The following PXDNL variants were observed in gnomAD, a reference collection of about 807,000 sequenced individuals.
PXDNL encodes peroxidasin like, also known as probable oxidoreductase PXDNL.
PXDNL carries 145 observed loss-of-function variants against 150.8 expected under a neutral mutation model. That is an observed-to-expected ratio of 0.96 (90% CI 0.84 to 1.10). The LOEUF (loss-of-function observed/expected upper bound fraction) is 1.10. PXDNL is among the 50% of genes least tolerant of loss of function. The pLI, the probability that PXDNL is intolerant of heterozygous loss-of-function variation, is 0.00. For synonymous variants in PXDNL, 757 were observed against 725.7 expected, an observed-to-expected ratio of 1.04 and a Z score of -0.69; for missense variants, 2,087 against 1,873.9, an observed-to-expected ratio of 1.11 and a Z score of -2.10.
At chr8:51,343,144 G>A (rs1020251196) in intron 20 of PXDNL, among the ~76,000 whole-genome samples, 1 of 152,074 alleles carries the variant, frequency 6.6e-6, no homozygotes, top group African/African-American at 2.4e-5. Context: ...AAGACTCTTG[G>A]ATACTGTATT....
intron 4 of PXDNL, among the ~76,000 whole-genome samples, chr8:51,521,044 G>A (rs1811652656): frequency 6.6e-6 from 1 of 152,054 alleles, no homozygotes; most frequent in Non-Finnish European, 1.5e-5. Flanking sequence ...ACCAGCCCGG[G>A]CAACAGAGCA....
At chr8:51,615,306 T>A (rs1814108043) in intron 2 of PXDNL, among the ~76,000 whole-genome samples, 1 of 152,180 alleles carries the variant, frequency 6.6e-6, no homozygotes, top group African/African-American at 2.4e-5. Flanking sequence ...TGACTTGTTT[T>A]TTTTTTCATC....
intron 4 of PXDNL, among the ~76,000 whole-genome samples, chr8:51,508,864 C>T (rs1210107985): frequency 6.6e-6 from 1 of 152,228 alleles, no homozygotes; most frequent in Non-Finnish European, 1.5e-5. Context: ...CAGCTGAGGA[C>T]CACACTTCCT....
Position 51,408,198 on chromosome 8 carries a change from A to G in PXDNL, c.3426T>C (p.Ile1142=), listed in dbSNP as rs1394127228. Reference sequence around the variant, plus strand: ...GGATCCCGTGGTCTCTACCCCTTTGAATGATGGTGGCAGCCGAATCCACGG... The same window carrying G: ...GGATCCCGTGGTCTCTACCCCTTTGGATGATGGTGGCAGCCGAATCCACGG... The part of the protein sequence containing the change: ...SAAVDSAATI[I]QRGRDHGIPP... The change falls in exon 17 of 23, where the codon ATT becomes ATC. Residue 1142 remains isoleucine, a synonymous_variant. Coordinates refer to ENST00000356297, the MANE Select transcript of PXDNL (RefSeq NM_144651.5). 1.2e-6 allele frequency: 2 copies of G among 1,614,014 alleles called. No individual in the cohort carries two copies. Among genetic ancestry groups the G allele is most frequent in the Non-Finnish European group, 1.7e-6 (2 of 1,179,902 alleles).
intron 1 of PXDNL, among the ~76,000 whole-genome samples, chr8:51,699,276 C>T (rs1277423772): frequency 6.6e-6 from 1 of 152,182 alleles, no homozygotes; most frequent in East Asian, 1.9e-4. Context: ...GCTGGATCTT[C>T]TGGATAACTC....
intron 4 of PXDNL, among the ~76,000 whole-genome samples, chr8:51,539,809 C>T (rs527665388): frequency 6.6e-6 from 1 of 151,962 alleles, no homozygotes; most frequent in African/African-American, 2.4e-5. Context: ...GAGATGCCTC[C>T]CTTCTTGATA....
Position 51,319,748 on chromosome 8 carries a change from G to T in PXDNL, c.*143C>A. ...AAAATGAAAAAATAAAAGATCGTAA[G>T]TATATGTAAGATTAGATGAACTAAG... On this transcript the variant is annotated 3_prime_UTR_variant, in exon 23 of 23. Transcript: ENST00000356297. The T allele has an allele frequency of 3.5e-6, 2 of 565,726 alleles. No homozygotes were observed. Among genetic ancestry groups the T allele is most frequent in the East Asian group, 3.4e-5 (1 of 29,268 alleles). 35.0% of individuals were successfully genotyped at this position (565,726 alleles called of 1,614,324 possible).
chr8:51,678,235 T>A (rs1815667907), intron 1 of PXDNL, among the ~76,000 whole-genome samples: 1 of 152,174 alleles, frequency 6.6e-6, no homozygotes. Flanking sequence ...AGAATTACAT[T>A]CTTGGGTACC....
intron 3 of PXDNL, among the ~76,000 whole-genome samples, chr8:51,586,746 C>T (rs1813330809): frequency 6.6e-6 from 1 of 152,148 alleles, no homozygotes; most frequent in Non-Finnish European, 1.5e-5. Flanking sequence ...GCAAGTGACG[C>T]ATTCAGCCAA....
At chr8:51,642,344 A>T (rs1563492976) in intron 2 of PXDNL, among the ~76,000 whole-genome samples, 2 of 152,144 alleles carry the variant, frequency 1.3e-5, no homozygotes, top group Non-Finnish European at 2.9e-5. Context: ...GTACCCTAAA[A>T]CTTAAAGTAT....
At chr8:51,632,689 G>A (rs577883119) in intron 2 of PXDNL, among the ~76,000 whole-genome samples, 17 of 152,210 alleles carry the variant, frequency 1.1e-4, no homozygotes, top group African/African-American at 1.4e-4. Flanking sequence ...CTTATGGAAC[G>A]TTTAAGATGG....
chr8:51,384,575 T>G (rs975499894), intron 17 of PXDNL, among the ~76,000 whole-genome samples: 2 of 151,994 alleles, frequency 1.3e-5, no homozygotes, highest in Non-Finnish European at 2.9e-5. Context: ...AAAGTATGCA[T>G]TTTAGAAAAC....
intron 4 of PXDNL, among the ~76,000 whole-genome samples, chr8:51,518,433 A>G (rs1811591591): frequency 6.6e-6 from 1 of 152,236 alleles, no homozygotes; most frequent in Non-Finnish European, 1.5e-5. Flanking sequence ...ACATATGCAT[A>G]CAAGCATAGA....
intron 3 of PXDNL, among the ~76,000 whole-genome samples, chr8:51,583,980 A>T (rs1813267141): frequency 6.6e-6 from 1 of 152,236 alleles, no homozygotes; most frequent in Non-Finnish European, 1.5e-5. Context: ...AGGTTCCTCA[A>T]CTTGGCCTAC....
intron 3 of PXDNL, among the ~76,000 whole-genome samples, chr8:51,559,333 C>G (rs60721101): frequency 0.069 from 3,294 of 47,512 alleles, 126 homozygotes; most frequent in African/African-American, 0.078. Context: ...CTTCCAAACC[C>G]CCCCCCCCCC....
rs532121848 is a variant in PXDNL at position 51,703,142 on chromosome 8, G to T, written c.165-48382C>A. Among the ~76,000 whole-genome samples the T allele has an allele frequency of 1.4e-4, 22 of 152,184 alleles. No individual in the cohort carries two copies. The South Asian group carries it at 3.9e-3, about 27-fold the overall frequency. On this transcript the variant is annotated intron_variant, in intron 1 of 22. Coordinates refer to ENST00000356297, the MANE Select transcript of PXDNL (RefSeq NM_144651.5). ...AAAGCTGCTGAACCCATGACATTTT[G>T]CCATTAATCTTTTAGTTTTCAGGGA...
At position 51,453,908 on chromosome 8, in the gene PXDNL, C is replaced by CACATATAT. The variant is rs1554541980; in HGVS notation, c.983-124_983-123insATATATGT. On this transcript the variant is annotated intron_variant, in intron 9 of 22. Transcript: ENST00000356297. Reference sequence around the variant, plus strand: ...AATTCCTTTAAACTAAAATATTACACATATATATATATACACATTTAATTC... The same window carrying CACATATAT: ...AATTCCTTTAAACTAAAATATTACACACATATATATATATATATATACACATTTAATTC... 1.0e-4 allele frequency: 82 copies of CACATATAT among 783,416 alleles called. No individual in the cohort carries two copies. The African/African-American group carries it at 1.3e-3, about 12-fold the overall frequency. The allele number at this position is 783,416 out of a possible 1,614,324, so 48.5% of individuals were successfully genotyped here.
chr8:51,795,060 A>G (rs1334022165), intron 1 of PXDNL, among the ~76,000 whole-genome samples: 2 of 152,206 alleles, frequency 1.3e-5, no homozygotes, highest in African/African-American at 4.8e-5. Flanking sequence ...GGCATTACAT[A>G]ATGGTAAAGG....
chr8:51,505,396 T>C (rs1056983238), intron 4 of PXDNL, among the ~76,000 whole-genome samples: 1 of 152,156 alleles, frequency 6.6e-6, no homozygotes, highest in African/African-American at 2.4e-5. Flanking sequence ...AAACAAATGT[T>C]CTGTGCCGTA....
Sources: allele counts gnomAD v4.1 joint callset (sites outside exome capture counted in the v4.1 genomes callset), GRCh38; gene constraint gnomAD v4.1.1; transcripts MANE v1.5; gene names NCBI Gene and HGNC (gene_info 2026-07-23, HGNC 2026-07-21).